Variants in JAKMIP3 observed in about 807,000 individuals in gnomAD.
JAKMIP3 encodes the protein Janus kinase and microtubule interacting protein 3.
Under a neutral mutation model 118.5 loss-of-function variants are expected in JAKMIP3, and 58 were observed. The observed-to-expected ratio is 0.49, with a 90% CI of 0.40 to 0.61. The LOEUF is 0.61. JAKMIP3 is among the 20% of genes least tolerant of loss of function. JAKMIP3 has a pLI of 0.00. For missense variants in JAKMIP3, 950 were observed against 1,109.0 expected, an observed-to-expected ratio of 0.86 and a Z score of 2.04; for synonymous variants, 486 against 451.2, an observed-to-expected ratio of 1.08 and a Z score of -0.98.
chr10:132,057,397 A>G (rs1487970899), intron 1 of JAKMIP3, among the ~76,000 whole-genome samples: 2 of 152,316 alleles, frequency 1.3e-5, no homozygotes, highest in Non-Finnish European at 2.9e-5. Context: ...GGTTCCAGGA[A>G]GCCCAGAGCC....
At chr10:132,123,576 C>G (rs1168225153) in intron 3 of JAKMIP3, among the ~76,000 whole-genome samples, 1 of 152,176 alleles carries the variant, frequency 6.6e-6, no homozygotes, top group Non-Finnish European at 1.5e-5. Context: ...GGAGGAGTAG[C>G]CTGTCCTTGC....
chr10:132,155,061 G>T (rs537309583), intron 19 of JAKMIP3, among the ~76,000 whole-genome samples: 2 of 149,466 alleles, frequency 1.3e-5, no homozygotes, highest in African/African-American at 5.0e-5. Context: ...CATGGTGGTA[G>T]TAGTGGTAAT....
At chr10:132,132,594 G>T (rs2050850282) in intron 3 of JAKMIP3, among the ~76,000 whole-genome samples, 1 of 152,226 alleles carries the variant, frequency 6.6e-6, no homozygotes, top group Admixed American at 6.5e-5. Context: ...GCCACTGGTG[G>T]GGCAGACATC....
intron 22 of JAKMIP3, 78 bp downstream of exon 22, chr10:132,167,133 G>GGGCA: frequency 4.0e-6 from 4 of 1,006,662 alleles, no homozygotes; most frequent in Admixed American, 2.4e-5. Context: ...GCCCTGCCAG[G>GGGCA]GAGTTGCCCA....
chr10:132,109,087 C>CACACACATATATATATAT (rs2046413095), intron 2 of JAKMIP3, among the ~76,000 whole-genome samples: 6 of 128,804 alleles, frequency 4.7e-5, no homozygotes, highest in Admixed American at 2.2e-4. Flanking sequence ...CATATATATA[C>CACACACATATATATATAT]ACACACATAT....
rs1476519885 is a variant in JAKMIP3 at position 132,118,120 on chromosome 10, T to C, written c.633+546T>C. Among the ~76,000 whole-genome samples the C allele has an allele frequency of 2.6e-5, 4 of 152,118 alleles. No homozygotes were observed. Among genetic ancestry groups the C allele is most frequent in the Non-Finnish European group, 5.9e-5 (4 of 68,012 alleles). On this transcript the variant is annotated intron_variant, in intron 3 of 23. Coordinates refer to ENST00000684848, the MANE Select transcript of JAKMIP3 (RefSeq NM_001323087.2). This position sits in a 1 kb window ranked among gnomAD's most constrained non-coding sequence, Gnocchi z 4.8. ...GGGGTGGGATGGCCCCCAGCTGCCC[T>C]GAGGTCCCTGTCTCTGCAGAACCGT...
chr10:132,141,112 T>G (rs1000371499), intron 10 of JAKMIP3, among the ~76,000 whole-genome samples: 55 of 152,290 alleles, frequency 3.6e-4, no homozygotes, highest in African/African-American at 1.3e-3. Context: ...GGGCTTGGTG[T>G]TGTGGGACCC....
intron 3 of JAKMIP3, among the ~76,000 whole-genome samples, chr10:132,129,589 G>A (rs1327974101): frequency 6.6e-6 from 1 of 152,224 alleles, no homozygotes; most frequent in Non-Finnish European, 1.5e-5. Context: ...TTTCCCAGGA[G>A]AGAGGTTGCA....
At position 132,167,947 on chromosome 10, in the gene JAKMIP3, T is replaced by G; in HGVS notation, c.*23-6T>G. ...GACTCTGCACTCTACGTTTCATTTCTTCCAGCCCCACATTGAATCGGACCC... is the reference window on the plus strand; with the variant it reads ...GACTCTGCACTCTACGTTTCATTTCGTCCAGCCCCACATTGAATCGGACCC... On this transcript the variant is annotated splice_region_variant and splice_polypyrimidine_tract_variant and intron_variant, in intron 22 of 23. Transcript: ENST00000684848. The G allele has an allele frequency of 7.8e-7, 1 of 1,289,362 alleles. No individual in the cohort carries two copies. Among genetic ancestry groups the G allele is most frequent in the Non-Finnish European group, 1.0e-6 (1 of 988,680 alleles). The allele number at this position is 1,289,362 out of a possible 1,614,324, so 79.9% of individuals were successfully genotyped here.
At chr10:132,150,973 T>G (rs2056076306) in intron 16 of JAKMIP3, among the ~76,000 whole-genome samples, 1 of 151,906 alleles carries the variant, frequency 6.6e-6, no homozygotes, top group Non-Finnish European at 1.5e-5. Context: ...CCATCATCCC[T>G]AATCCATTCA....
intron 2 of JAKMIP3, among the ~76,000 whole-genome samples, chr10:132,111,187 T>G (rs2046807224): frequency 6.6e-6 from 1 of 152,226 alleles, no homozygotes; most frequent in South Asian, 2.1e-4. Context: ...AGCTCCGGCC[T>G]CCTGCCCCCA....
chr10:132,050,418 G>A (rs2038065180), intron 1 of JAKMIP3, among the ~76,000 whole-genome samples: 1 of 152,142 alleles, frequency 6.6e-6, no homozygotes, highest in African/African-American at 2.4e-5. Flanking sequence ...GGTCCCTGTG[G>A]TTTCTGCCGG....
chr10:132,150,211 T>C (rs2055818934), intron 16 of JAKMIP3, among the ~76,000 whole-genome samples, 170 bp downstream of exon 16: 1 of 151,818 alleles, frequency 6.6e-6, no homozygotes, highest in African/African-American at 2.4e-5. Context: ...TTCCTCACAC[T>C]GCTCCAGGGC....
In JAKMIP3 at chr10:132,135,058, A is replaced by T. The variant is rs2051465089; in HGVS notation, c.867A>T (p.Glu289Asp). ...TGTTTTAGGAACAGCAGTTGGATGA[A>T]AAAGATGCCCGGCGCTTCCAGCTTA... is the stretch of plus-strand genomic sequence containing the variant. ...HSGSPEQQLD[E>D]KDARRFQLKI... The change falls in exon 5 of 24, where the codon GAA becomes GAT. Residue 289 changes from glutamate (E) to aspartate (D), a missense_variant. By Grantham distance (45) the Glu-to-Asp change is conservative. Transcript: ENST00000684848. 1 of 1,613,450 alleles carries T rather than the reference A, an allele frequency of 6.2e-7. No individual in the cohort carries two copies. The highest frequency in any genetic ancestry group is 8.5e-7 in the Non-Finnish European group (1 of 1,179,546).
chr10:132,127,421 T>TGC (rs2049827628), intron 3 of JAKMIP3, among the ~76,000 whole-genome samples: 1 of 129,964 alleles, frequency 7.7e-6, no homozygotes, highest in African/African-American at 2.7e-5. Flanking sequence ...TGTGTGTGCG[T>TGC]GTGTGTGTGT....
At chr10:132,053,080 C>T (rs1564852175) in intron 1 of JAKMIP3, among the ~76,000 whole-genome samples, 1 of 152,162 alleles carries the variant, frequency 6.6e-6, no homozygotes, top group Non-Finnish European at 1.5e-5. Context: ...TTCTCTGAGA[C>T]CTGGGATCAA....
intron 2 of JAKMIP3, among the ~76,000 whole-genome samples, chr10:132,109,575 C>T (rs929891309): frequency 3.3e-5 from 5 of 152,208 alleles, no homozygotes; most frequent in African/African-American, 7.2e-5. Context: ...GACCTCAGCT[C>T]ATTGCACCTG....
intron 3 of JAKMIP3, among the ~76,000 whole-genome samples, chr10:132,131,469 G>A (rs1020171245): frequency 5.3e-5 from 8 of 151,414 alleles, no homozygotes; most frequent in Non-Finnish European, 8.8e-5. Context: ...TGAGGGTGTC[G>A]GGCCCGGGGA....
intron 23 of JAKMIP3, among the ~76,000 whole-genome samples, chr10:132,174,785 C>T (rs2059999786): frequency 6.6e-6 from 1 of 152,138 alleles, no homozygotes; most frequent in African/African-American, 2.4e-5. Flanking sequence ...GCTGGTTCTC[C>T]TTATTTGGTC....
Sources: gnomAD v4.1 joint callset for allele counts (sites outside exome capture counted in the v4.1 genomes callset) on GRCh38, gnomAD v4.1.1 for gene constraint, Gnocchi (gnomAD v3.1) non-coding constraint, MANE v1.5 for transcripts, NCBI Gene and HGNC (gene_info 2026-07-23, HGNC 2026-07-21) for gene names.